CATSPER3: variants seen among roughly 807,000 people sequenced by gnomAD.
CATSPER3 encodes cation channel sperm-associated protein 3.
CATSPER3 carries 23 observed loss-of-function variants against 36.6 expected under a neutral mutation model. The observed-to-expected ratio is 0.63, with a 90% CI of 0.45 to 0.89. The LOEUF (loss-of-function observed/expected upper bound fraction) is 0.89, where lower values mean the gene tolerates loss of function less well. Ranked by LOEUF, CATSPER3 falls within the 40% of genes least tolerant of loss-of-function variation. The pLI, the probability that CATSPER3 is intolerant of heterozygous loss-of-function variation, is 0.00. For missense variants in CATSPER3, 474 were observed against 503.9 expected (o/e 0.94, Z 0.57); for synonymous variants, 172 against 184.1 (o/e 0.93, Z 0.53).
chr5:134,988,138 G>A (rs1178588265), intron 2 of CATSPER3, among the ~76,000 whole-genome samples: 2 of 152,116 alleles, frequency 1.3e-5, no homozygotes, highest in African/African-American at 2.4e-5. Flanking sequence ...GTGTGCAATA[G>A]CATTAGATCT....
chr5:134,981,226 C>G (rs948145876), intron 2 of CATSPER3, among the ~76,000 whole-genome samples: 3 of 152,016 alleles, frequency 2.0e-5, no homozygotes, highest in African/African-American at 4.8e-5. Flanking sequence ...CACAGTGGCT[C>G]ATGTCTGTAG....
chr5:134,993,099 A>C (rs879575225), intron 2 of CATSPER3, among the ~76,000 whole-genome samples: 1 of 152,252 alleles, frequency 6.6e-6, no homozygotes, highest in Admixed American at 6.5e-5. Context: ...TCTATTTTTA[A>C]ATCAGAAACC....
chr5:134,994,298 C>T (rs1215060735), intron 2 of CATSPER3, among the ~76,000 whole-genome samples: 5 of 152,068 alleles, frequency 3.3e-5, no homozygotes, highest in Admixed American at 2.0e-4. Flanking sequence ...AGATTAGAAA[C>T]AGGCAATTCA....
At chr5:135,001,962 A>T (rs796281343) in intron 3 of CATSPER3, among the ~76,000 whole-genome samples, 5 of 152,178 alleles carry the variant, frequency 3.3e-5, no homozygotes, top group Non-Finnish European at 7.3e-5. Context: ...GCCCATTTAC[A>T]TTTAAGGTTA....
At chr5:134,997,771 C>T (rs1412577774) in intron 3 of CATSPER3, among the ~76,000 whole-genome samples, 1 of 152,174 alleles carries the variant, frequency 6.6e-6, no homozygotes, top group Non-Finnish European at 1.5e-5. Context: ...CACCTGCCTA[C>T]CCCTCTCTCT....
At chr5:135,009,112 T>C in intron 5 of CATSPER3, 131 bp downstream of exon 5, 1 of 1,271,860 alleles carries the variant, frequency 7.9e-7, no homozygotes, top group Non-Finnish European at 1.1e-6. Context: ...GGTGGCCAGA[T>C]GGACCTGTCC....
intron 2 of CATSPER3, among the ~76,000 whole-genome samples, chr5:134,990,426 A>G (rs543710362): frequency 1.3e-5 from 2 of 152,368 alleles, no homozygotes; most frequent in Admixed American, 1.3e-4. Context: ...AAAGGTGGCA[A>G]TCAGATATGC....
intron 2 of CATSPER3, chr5:134,995,774 T>A: frequency 4.7e-6 from 1 of 212,234 alleles, no homozygotes; most frequent in Non-Finnish European, 9.6e-6. Flanking sequence ...GCCATTAGAG[T>A]TGTAGATGCA....
At chr5:135,010,795 T>G (rs877811) in intron 7 of CATSPER3, among the ~76,000 whole-genome samples, 44,043 of 152,046 alleles carry the variant, frequency 0.29, 7,109 homozygotes, top group East Asian at 0.54. Flanking sequence ...CTCCTTGAAG[T>G]CTCCAGGCCT....
At chr5:134,996,843 T>A (rs1751956695) in intron 3 of CATSPER3, among the ~76,000 whole-genome samples, 2 of 152,258 alleles carry the variant, frequency 1.3e-5, no homozygotes, top group Non-Finnish European at 2.9e-5. Context: ...GATTTTCTTA[T>A]GCTATGCATC....
intron 2 of CATSPER3, among the ~76,000 whole-genome samples, chr5:134,990,316 G>A (rs538867020): frequency 1.1e-4 from 17 of 152,308 alleles, no homozygotes; most frequent in Admixed American, 3.3e-4. Context: ...CATTGGCTCA[G>A]TCTGGAAAGG....
intron 2 of CATSPER3, chr5:134,995,629 T>C (rs1751935956): frequency 6.2e-6 from 1 of 160,654 alleles, no homozygotes; most frequent in African/African-American, 2.4e-5. Flanking sequence ...AAATGATGTT[T>C]GCTTGTTACA....
intron 3 of CATSPER3, among the ~76,000 whole-genome samples, chr5:134,999,178 C>T (rs1751990272): frequency 6.6e-6 from 1 of 151,942 alleles, no homozygotes; most frequent in Admixed American, 6.6e-5. Context: ...GGAATCCTTT[C>T]CCCATTGCTT....
At chr5:135,004,864 A>G (rs1007268013) in intron 3 of CATSPER3, among the ~76,000 whole-genome samples, 12 of 152,064 alleles carry the variant, frequency 7.9e-5, no homozygotes, top group African/African-American at 2.9e-4. Flanking sequence ...TGGCCCCCTG[A>G]ATCTGAGGGC....
At chr5:134,979,294 G>T (rs1025382803) in intron 2 of CATSPER3, among the ~76,000 whole-genome samples, 3 of 152,042 alleles carry the variant, frequency 2.0e-5, no homozygotes, top group African/African-American at 7.3e-5. Context: ...GCACCATCAT[G>T]CCCAGCTAAT....
rs1184204977 is a variant in CATSPER3 at position 135,010,526 on chromosome 5, C to A, written c.1090C>A (p.His364Asn). 2 of 1,614,074 alleles carry A rather than the reference C, an allele frequency of 1.2e-6. No individual in the cohort carries two copies. Among genetic ancestry groups the A allele is most frequent in the South Asian group, 2.2e-5 (2 of 91,076 alleles). Residue 364 changes from histidine (H) to asparagine (N), a missense_variant, in exon 7 of 8, where the codon CAC (histidine) becomes AAC (asparagine). His to Asn is a moderately conservative substitution (Grantham distance 68, BLOSUM62 1). Coordinates refer to ENST00000282611, the MANE Select transcript of CATSPER3 (RefSeq NM_178019.3). The stretch of plus-strand genomic sequence containing the variant: ...TCTGGACTACCAGGACACAACTGTC[C>A]ACAAGTCAGTTCCAGCCCCAGCCTT... ...STLDYQDTTV[H>N]KLQELYYEIV...
At chr5:134,972,307 G>C (rs1751617762) in intron 2 of CATSPER3, among the ~76,000 whole-genome samples, 1 of 152,128 alleles carries the variant, frequency 6.6e-6, no homozygotes. Flanking sequence ...CTGTTCCCAA[G>C]CATTTCAGAT....
intron 2 of CATSPER3, among the ~76,000 whole-genome samples, chr5:134,979,982 C>T (rs968047427): frequency 1.4e-5 from 2 of 147,316 alleles, no homozygotes; most frequent in Non-Finnish European, 3.0e-5. Context: ...CCCTTCCCTC[C>T]TTTTCTTCTT....
At chr5:134,978,167 G>A (rs1580903724) in intron 2 of CATSPER3, among the ~76,000 whole-genome samples, 1 of 152,322 alleles carries the variant, frequency 6.6e-6, no homozygotes, top group East Asian at 1.9e-4. Flanking sequence ...CAGGGGGGAA[G>A]GAGAGGAGCA....
Sources: gnomAD v4.1 joint callset for allele counts (sites outside exome capture counted in the v4.1 genomes callset) on GRCh38, gnomAD v4.1.1 for gene constraint, MANE v1.5 for transcripts, NCBI Gene and HGNC (gene_info 2026-07-23, HGNC 2026-07-21) for gene names.